MAP4K5: variants seen among roughly 807,000 people sequenced by gnomAD.
The protein encoded by MAP4K5 is mitogen-activated protein kinase kinase kinase kinase 5.
A neutral mutation model predicts 135.6 loss-of-function variants in MAP4K5; 82 were observed. The ratio of observed to expected loss-of-function variants is 0.60; its 90% confidence interval spans 0.51 to 0.73. The LOEUF is 0.73. MAP4K5 is among the 30% of genes least tolerant of loss of function. The pLI is 0.00. For synonymous variants in MAP4K5, 347 were observed against 335.0 expected (o/e 1.04, Z -0.39); for missense variants, 907 against 1,010.9 (o/e 0.90, Z 1.39).
At chr14:50,559,988 C>T (rs1042981519) in intron 1 of MAP4K5, 2 of 529,048 alleles carry the variant, frequency 3.8e-6, no homozygotes, top group Non-Finnish European at 3.4e-6. Context: ...GGTACGTGGT[C>T]TATCACTGTC....
At chr14:50,464,529 C>A (rs2036787722) in intron 11 of MAP4K5, among the ~76,000 whole-genome samples, 1 of 151,952 alleles carries the variant, frequency 6.6e-6, no homozygotes. Context: ...ATATAAGAGA[C>A]TATTTAAATC....
chr14:50,525,881 C>A (rs1045889608), intron 2 of MAP4K5, among the ~76,000 whole-genome samples: 4 of 152,100 alleles, frequency 2.6e-5, no homozygotes, highest in Non-Finnish European at 4.4e-5. Flanking sequence ...GGTCCAAATT[C>A]TTTGATATGA....
intron 3 of MAP4K5, among the ~76,000 whole-genome samples, chr14:50,496,677 T>A (rs1197086226): frequency 1.3e-5 from 2 of 151,840 alleles, no homozygotes; most frequent in East Asian, 3.9e-4. Flanking sequence ...CTCTGCTAAT[T>A]TTTAAAAATT....
At position 50,447,408 on chromosome 14, in the gene MAP4K5, A is replaced by ACTTACT; in HGVS notation, c.1142_1142+5dup. 6.6e-7 allele frequency: 1 copy of ACTTACT among 1,524,280 alleles called. No individual in the cohort carries two copies. Among genetic ancestry groups the ACTTACT allele is most frequent in the Non-Finnish European group, 8.9e-7 (1 of 1,127,562 alleles). The allele number at this position is 1,524,280 out of a possible 1,614,324, so 94.4% of individuals were successfully genotyped here. ...AATATAGTTATTAAATTAGAAAACA[A>ACTTACT]CTTACTTGCCAGTATTTGCACCATC... is the stretch of plus-strand genomic sequence containing the variant. On this transcript the variant is annotated splice_donor_region_variant and intron_variant, in intron 16 of 32. Coordinates refer to ENST00000682126, the MANE Select transcript of MAP4K5 (RefSeq NM_006575.6).
At chr14:50,508,565 G>A (rs1313042842) in intron 2 of MAP4K5, among the ~76,000 whole-genome samples, 22 of 151,928 alleles carry the variant, frequency 1.4e-4, no homozygotes, top group African/African-American at 3.4e-4. Context: ...GGGGCCTGTC[G>A]TGGGGTGGGG....
In MAP4K5 at chr14:50,546,163, T is replaced by A. The variant is rs1603014; in HGVS notation, c.-179-3579A>T. Reference sequence around the variant, plus strand: ...AAAAAAGAGGGTAAAAGAAGTTTTTTAAAAAATCAAACTGCTATGAAAACT... The same window carrying A: ...AAAAAAGAGGGTAAAAGAAGTTTTTAAAAAAATCAAACTGCTATGAAAACT... On this transcript the variant is annotated intron_variant, in intron 1 of 8. Transcript: ENST00000555216. Among the ~76,000 whole-genome samples, 233 of 152,312 alleles carry A rather than the reference T, an allele frequency of 1.5e-3. 1 individual carries two copies. The highest frequency in any genetic ancestry group is 5.1e-3 in the African/African-American group (211 of 41,572).
chr14:50,489,945 G>A (rs913049802), intron 3 of MAP4K5, among the ~76,000 whole-genome samples: 2 of 152,164 alleles, frequency 1.3e-5, no homozygotes, highest in Non-Finnish European at 2.9e-5. Flanking sequence ...ACTAGAGACC[G>A]AAAGTACAGG....
chr14:50,558,671 G>A (rs1459187906), intron 1 of MAP4K5, among the ~76,000 whole-genome samples: 1 of 152,088 alleles, frequency 6.6e-6, no homozygotes, highest in East Asian at 1.9e-4. Flanking sequence ...GTAATCTATT[G>A]TACTCTTAAA....
intron 2 of MAP4K5, among the ~76,000 whole-genome samples, chr14:50,525,033 C>T (rs966418820): frequency 4.6e-5 from 7 of 152,108 alleles, no homozygotes; most frequent in African/African-American, 1.7e-4. Flanking sequence ...TTCTCTGCCA[C>T]CCCTCTAAGG....
rs1486152467 is a variant in MAP4K5 at position 50,523,061 on chromosome 14, C to T, written c.108+8881G>A. ...GCGCAGTGGCTCACACCTGTAATCC[C>T]AGCACTTTGGGAGGCTGAGGCGGGT... On this transcript the variant is annotated intron_variant, in intron 2 of 32. Coordinates refer to ENST00000682126, the MANE Select transcript of MAP4K5 (RefSeq NM_006575.6). 3.9e-5 allele frequency among the ~76,000 whole-genome samples: 6 copies of T among 152,166 alleles called. No homozygotes were observed. In the East Asian group the frequency reaches 7.7e-4, roughly 20 times the overall value.
chr14:50,553,843 ACT>A (rs542892986), intron 1 of MAP4K5, among the ~76,000 whole-genome samples: 128 of 152,328 alleles, frequency 8.4e-4, no homozygotes, highest in African/African-American at 3.0e-3. Flanking sequence ...AAGTGAAGTA[ACT>A]CAGGAATGGA....
At chr14:50,450,684 CAG>C (rs758573285) in intron 14 of MAP4K5, 1 of 152,200 alleles carries the variant, frequency 6.6e-6, no homozygotes, top group Non-Finnish European at 1.5e-5. Context: ...AAACAGCTAA[CAG>C]AGCGCTGTGA....
At chr14:50,436,784 A>G (rs1179454899) in intron 26 of MAP4K5, among the ~76,000 whole-genome samples, 2 of 152,170 alleles carry the variant, frequency 1.3e-5, no homozygotes, top group Admixed American at 1.3e-4. Flanking sequence ...AACGCCATCC[A>G]TTAACCATAG....
At chr14:50,493,443 T>C (rs759212545) in intron 3 of MAP4K5, among the ~76,000 whole-genome samples, 55 of 152,300 alleles carry the variant, frequency 3.6e-4, no homozygotes, top group Middle Eastern at 3.4e-3. Context: ...CTAATCAATA[T>C]TGTGTAAGCA....
At chr14:50,424,766 T>C (rs1482199210) in intron 31 of MAP4K5, among the ~76,000 whole-genome samples, 1 of 151,900 alleles carries the variant, frequency 6.6e-6, no homozygotes, top group African/African-American at 2.4e-5. Flanking sequence ...GAATCAATAT[T>C]TGATACAGTA....
chr14:50,480,275 C>T (rs1016962535), intron 6 of MAP4K5, among the ~76,000 whole-genome samples: 4 of 151,984 alleles, frequency 2.6e-5, no homozygotes, highest in East Asian at 1.9e-4. Flanking sequence ...TATCCATCCC[C>T]TCAAGCATTT....
At chr14:50,510,856 A>C (rs2037916768) in intron 2 of MAP4K5, among the ~76,000 whole-genome samples, 1 of 152,196 alleles carries the variant, frequency 6.6e-6, no homozygotes, top group Non-Finnish European at 1.5e-5. Flanking sequence ...TCCTAAGAAC[A>C]CATATGGACA....
chr14:50,452,095 G>C (rs1352374222), intron 14 of MAP4K5, among the ~76,000 whole-genome samples: 1 of 152,166 alleles, frequency 6.6e-6, no homozygotes, highest in Non-Finnish European at 1.5e-5. Flanking sequence ...CTAACATTAA[G>C]TATTCTGAGC....
chr14:50,545,105 G>T (rs1265743222), intron 1 of MAP4K5, among the ~76,000 whole-genome samples: 1 of 152,166 alleles, frequency 6.6e-6, no homozygotes, highest in African/African-American at 2.4e-5. Flanking sequence ...AAACATCATG[G>T]AGAGTATCTG....
Sources: allele counts gnomAD v4.1 joint callset (sites outside exome capture counted in the v4.1 genomes callset), GRCh38; gene constraint gnomAD v4.1.1; transcripts MANE v1.5; gene names NCBI Gene and HGNC (gene_info 2026-07-23, HGNC 2026-07-21).